Variants in ARHGEF10 observed in about 807,000 individuals in gnomAD.
ARHGEF10 encodes the protein Rho guanine nucleotide exchange factor 10, also known as Rho guanine nucleotide exchange factor (GEF) 10.
A neutral mutation model predicts 147.4 loss-of-function variants in ARHGEF10; 140 were observed. The observed-to-expected ratio is 0.95, with a 90% confidence interval of 0.83 to 1.09. The LOEUF (loss-of-function observed/expected upper bound fraction) is 1.09. ARHGEF10 is among the 50% of genes least tolerant of loss of function. The pLI, the probability that ARHGEF10 is intolerant of heterozygous loss-of-function variation, is 0.00. For missense variants in ARHGEF10, 2,222 were observed against 1,752.7 expected (o/e 1.27, Z -4.78); for synonymous variants, 902 against 695.8 (o/e 1.30, Z -4.67).
chr8:1,860,522 C>CTCCTCCTCCTCTCCATGCCCCTGATGTGG (rs1806040431), intron 4 of ARHGEF10, among the ~76,000 whole-genome samples: 4 of 152,076 alleles, frequency 2.6e-5, no homozygotes, highest in Non-Finnish European at 4.4e-5. Context: ...CTGACCTTCC[C>CTCCTCCTCCTCTCCATGCCCCTGATGTGG]CCTGCCCCCA....
At chr8:1,839,995 T>G (rs1222810252) in intron 1 of ARHGEF10, among the ~76,000 whole-genome samples, 2 of 138,602 alleles carry the variant, frequency 1.4e-5, no homozygotes. Context: ...GTGTGGGGAC[T>G]GTCTGGTGTG....
rs1813672530 is a variant in ARHGEF10 at position 1,937,033 on chromosome 8, G to A, written c.3222+3091G>A. Among the ~76,000 whole-genome samples, 1 of 152,222 alleles carries A rather than the reference G, an allele frequency of 6.6e-6. No homozygotes were observed. Among genetic ancestry groups the A allele is most frequent in the Non-Finnish European group, 1.5e-5 (1 of 68,046 alleles). ...AGGCCGACGCTCTGCCGTGGATCAT[G>A]AATAGCATTCCCGCGTGAGTCTTTT... On this transcript the variant is annotated intron_variant, in intron 26 of 28. Coordinates refer to ENST00000349830, the MANE Select transcript of ARHGEF10 (RefSeq NM_014629.4). This position sits in a 1 kb window ranked among gnomAD's most constrained non-coding sequence, Gnocchi z 4.9.
At chr8:1,927,926 G>A (rs1258365496) in intron 23 of ARHGEF10, among the ~76,000 whole-genome samples, 1 of 152,046 alleles carries the variant, frequency 6.6e-6, no homozygotes, top group Non-Finnish European at 1.5e-5. Context: ...GGGTGACAGA[G>A]TGAGACTGTC....
chr8:1,897,092 C>T (rs1289945060), intron 14 of ARHGEF10, among the ~76,000 whole-genome samples: 7 of 152,372 alleles, frequency 4.6e-5, no homozygotes, highest in South Asian at 4.1e-4. Context: ...GTCGGCGGAA[C>T]TGAGTCTCCT....
chr8:1,898,319 G>A, intron 14 of ARHGEF10, 114 bp from the exon 15 acceptor site: 1 of 886,182 alleles, frequency 1.1e-6, no homozygotes, highest in Non-Finnish European at 1.8e-6. Flanking sequence ...CTGAAGACAA[G>A]GTGCAGGCTT....
In ARHGEF10 at chr8:1,911,189, A is replaced by T. The variant is rs190749815; in HGVS notation, c.2143+1719A>T. ...CATTGGAGAGTAAATGTTTTTCTTT[A>T]TTCTGAATTCAAGGAGGTCTTTGGT... On this transcript the variant is annotated intron_variant, in intron 18 of 28. Coordinates refer to ENST00000349830, the MANE Select transcript of ARHGEF10 (RefSeq NM_014629.4). Among the ~76,000 whole-genome samples the T allele has an allele frequency of 2.4e-3, 365 of 152,322 alleles. 6 individuals are homozygous for T. The highest frequency in any genetic ancestry group is 6.8e-4 in the Non-Finnish European group (46 of 68,022).
chr8:1,933,301 C>T (rs1193703389), intron 25 of ARHGEF10, among the ~76,000 whole-genome samples: 1 of 152,088 alleles, frequency 6.6e-6, no homozygotes, highest in Non-Finnish European at 1.5e-5. Flanking sequence ...AACATCTGCC[C>T]AGTTATTTTG....
At chr8:1,826,669 C>T (rs998249011) in intron 1 of ARHGEF10, among the ~76,000 whole-genome samples, 2 of 152,128 alleles carry the variant, frequency 1.3e-5, no homozygotes, top group Non-Finnish European at 2.9e-5. Context: ...GCGCTAATGA[C>T]GGTTGTATTC....
At chr8:1,832,272 G>T (rs906818657) in intron 1 of ARHGEF10, among the ~76,000 whole-genome samples, 1 of 152,162 alleles carries the variant, frequency 6.6e-6, no homozygotes, top group African/African-American at 2.4e-5. Context: ...AGGCTGTGTC[G>T]AGGGTCATGT....
At chr8:1,951,425 C>T (rs1043138000) in intron 27 of ARHGEF10, among the ~76,000 whole-genome samples, 1 of 152,202 alleles carries the variant, frequency 6.6e-6, no homozygotes, top group African/African-American at 2.4e-5. Flanking sequence ...CTGGGACATG[C>T]ATATTATTGA....
rs926724683 is a variant in ARHGEF10, at chr8:1,948,516, T to C, written c.3397+2861T>C. 1.3e-5 allele frequency among the ~76,000 whole-genome samples: 2 copies of C among 152,184 alleles called. No individual in the cohort carries two copies. The highest frequency in any genetic ancestry group is 1.5e-5 in the Non-Finnish European group (1 of 68,030). On this transcript the variant is annotated intron_variant, in intron 27 of 28. Transcript: ENST00000349830. This position sits in a 1 kb window ranked among gnomAD's most constrained non-coding sequence, Gnocchi z 4.9. Reference sequence around the variant, plus strand: ...CCCAGGCTGTGGTCTGCTGCCACCGTGGCCTTGTCAGCAGGAGAAAGGTAC... The same window carrying C: ...CCCAGGCTGTGGTCTGCTGCCACCGCGGCCTTGTCAGCAGGAGAAAGGTAC...
At chr8:1,871,655 T>C (rs1807138068) in intron 7 of ARHGEF10, among the ~76,000 whole-genome samples, 1 of 152,036 alleles carries the variant, frequency 6.6e-6, no homozygotes, top group African/African-American at 2.4e-5. Flanking sequence ...CCATCTCTAC[T>C]AAAAGTACAA....
intron 2 of ARHGEF10, 70 bp from the exon 3 acceptor site, chr8:1,857,890 C>T (rs896014470): frequency 3.2e-5 from 33 of 1,036,554 alleles, no homozygotes; most frequent in Non-Finnish European, 4.3e-5. Flanking sequence ...ATCTATCTAT[C>T]TATCTATCTA....
rs71211518 is a variant in ARHGEF10, at chr8:1,858,143, A to AGTCCCCAGGTGG, written c.193+40_193+51dup. 2.0e-3 allele frequency: 3,003 copies of AGTCCCCAGGTGG among 1,522,382 alleles called. 77 individuals are homozygous for AGTCCCCAGGTGG. In the East Asian group the frequency reaches 0.024, roughly 12 times the overall value. The allele number at this position is 1,522,382 out of a possible 1,614,324, so 94.3% of individuals were successfully genotyped here. A position where few individuals can be genotyped will look rare whatever the true frequency, so the allele number is the denominator to read the frequency against. ...GAGTTTCCAGGAGGGTCCCCAGGTG[A>AGTCCCCAGGTGG]GTCCCCAGGTGGGTCCCCAGGTGAG... On this transcript the variant is annotated intron_variant, in intron 3 of 28. Coordinates refer to ENST00000349830, the MANE Select transcript of ARHGEF10 (RefSeq NM_014629.4).
At chr8:1,925,996 G>A (rs1323500333) in intron 22 of ARHGEF10, among the ~76,000 whole-genome samples, 1 of 152,180 alleles carries the variant, frequency 6.6e-6, no homozygotes, top group African/African-American at 2.4e-5. Context: ...AGTTGCAGGC[G>A]GTGCACAGGA....
chr8:1,848,193 T>A (rs1159288967), intron 2 of ARHGEF10, among the ~76,000 whole-genome samples: 1 of 152,276 alleles, frequency 6.6e-6, no homozygotes, highest in Non-Finnish European at 1.5e-5. Flanking sequence ...TCGTCCTCTC[T>A]TCAGTATCTC....
chr8:1,860,473 A>G (rs112712259), intron 4 of ARHGEF10, among the ~76,000 whole-genome samples: 6,299 of 141,348 alleles, frequency 0.045, 196 homozygotes, highest in African/African-American at 0.1. Flanking sequence ...CCTCCTCTCC[A>G]TGCCCCTGAT....
At chr8:1,832,723 GAGAGACAGAGGCAGAGGC>G (rs1803244727) in intron 1 of ARHGEF10, among the ~76,000 whole-genome samples, 1 of 135,468 alleles carries the variant, frequency 7.4e-6, no homozygotes, top group African/African-American at 2.9e-5. Flanking sequence ...CAGAGGCAGA[GAGAGACAGAGGCAGAGGC>G]AGAGGCAGAG....
intron 27 of ARHGEF10, among the ~76,000 whole-genome samples, chr8:1,947,896 A>G (rs1669717740): frequency 6.6e-6 from 1 of 151,456 alleles, no homozygotes; most frequent in Admixed American, 6.6e-5. Flanking sequence ...AGAAAGATGG[A>G]ATTATCCTGC....
Sources: gnomAD v4.1 joint callset for allele counts (sites outside exome capture counted in the v4.1 genomes callset) on GRCh38, gnomAD v4.1.1 for gene constraint, Gnocchi (gnomAD v3.1) non-coding constraint, MANE v1.5 for transcripts, NCBI Gene and HGNC (gene_info 2026-07-23, HGNC 2026-07-21) for gene names.